Variants in ZPBP observed in about 807,000 individuals in gnomAD.
ZPBP encodes the protein zona pellucida binding protein.
Under a neutral mutation model 44.8 loss-of-function variants are expected in ZPBP, and 26 were observed. That is an observed-to-expected ratio of 0.58 (90% CI 0.43 to 0.81). ZPBP has a LOEUF of 0.81. Among genes scored for constraint, ZPBP ranks in the 30% least tolerant of loss-of-function variants. The pLI, the probability that ZPBP is intolerant of heterozygous loss-of-function variation, is 0.00. For synonymous variants in ZPBP, 174 were observed against 153.2 expected, an observed-to-expected ratio of 1.14 and a Z score of -1.00; for missense variants, 409 against 434.0, an observed-to-expected ratio of 0.94 and a Z score of 0.51.
intron 7 of ZPBP, among the ~76,000 whole-genome samples, chr7:49,939,018 G>GA (rs1794739877): frequency 6.6e-6 from 1 of 152,052 alleles, no homozygotes; most frequent in South Asian, 2.1e-4. Context: ...GTTTCAGATG[G>GA]AAAAAAGTTT....
intron 1 of ZPBP, chr7:49,915,022 T>C (rs1793641529): frequency 6.6e-6 from 1 of 152,212 alleles, no homozygotes; most frequent in Non-Finnish European, 1.5e-5. Flanking sequence ...CATATTTAGA[T>C]CTGAAAGTAT....
At chr7:49,960,360 G>A (rs1003677284) in intron 7 of ZPBP, among the ~76,000 whole-genome samples, 1 of 151,940 alleles carries the variant, frequency 6.6e-6, no homozygotes, top group Non-Finnish European at 1.5e-5. Flanking sequence ...GAAAGAGGTT[G>A]CAATGAGCTC....
chr7:49,883,687 T>C (rs544121548), intron 2 of ZPBP, among the ~76,000 whole-genome samples: 2 of 152,296 alleles, frequency 1.3e-5, no homozygotes, highest in South Asian at 4.1e-4. Flanking sequence ...CACCTTCCGA[T>C]AGCTGCACTT....
chr7:50,053,024 T>C (rs1239106696), intron 4 of ZPBP, among the ~76,000 whole-genome samples: 1 of 152,154 alleles, frequency 6.6e-6, no homozygotes, highest in Non-Finnish European at 1.5e-5. Flanking sequence ...TCTATGGTTG[T>C]AGATACCTGA....
chr7:49,996,891 T>G (rs1584008229), intron 6 of ZPBP, among the ~76,000 whole-genome samples: 1 of 152,330 alleles, frequency 6.6e-6, no homozygotes, highest in Non-Finnish European at 1.5e-5. Flanking sequence ...TATGCCCACC[T>G]TGCCTTTGGT....
chr7:49,927,069 C>G (rs947219185), intron 1 of ZPBP, among the ~76,000 whole-genome samples: 7 of 152,176 alleles, frequency 4.6e-5, no homozygotes, highest in Non-Finnish European at 8.8e-5. Flanking sequence ...GCTGCCATAC[C>G]TTCATTCTGT....
chr7:49,953,641 C>T (rs1795447113), intron 7 of ZPBP, among the ~76,000 whole-genome samples: 1 of 151,942 alleles, frequency 6.6e-6, no homozygotes, highest in South Asian at 2.1e-4. Context: ...TCAAAATATC[C>T]AGCACCAAAT....
intron 4 of ZPBP, among the ~76,000 whole-genome samples, chr7:50,044,518 C>A (rs550686117): frequency 1.3e-4 from 20 of 152,138 alleles, no homozygotes; most frequent in Admixed American, 3.9e-4. Flanking sequence ...TACAAACTAC[C>A]ATCAGAAAAT....
downstream of ZPBP, among the ~76,000 whole-genome samples, chr7:49,934,460 C>T (rs927322216): frequency 2.9e-4 from 42 of 146,506 alleles, no homozygotes; most frequent in South Asian, 8.7e-3. Flanking sequence ...AAAAAAAAAA[C>T]TCACACATGA....
chr7:49,854,668 G>C (rs1288595539), intron 2 of ZPBP, among the ~76,000 whole-genome samples: 1 of 152,282 alleles, frequency 6.6e-6, no homozygotes, highest in East Asian at 1.9e-4. Context: ...TAGGTTGCCT[G>C]TTCACTCTGA....
downstream of ZPBP, among the ~76,000 whole-genome samples, chr7:49,933,188 A>G (rs952849699): frequency 5.3e-5 from 8 of 152,188 alleles, no homozygotes; most frequent in African/African-American, 1.9e-4. Flanking sequence ...TACTCACTAC[A>G]TATGGTACCT....
In ZPBP at chr7:49,995,782, T is replaced by C. The variant is rs188593902; in HGVS notation, c.784-12263A>G. On this transcript the variant is annotated intron_variant, in intron 6 of 7. Transcript: ENST00000046087. ...AAACAAGCCAGTCACAGAAGACAAA[T>C]ATCATATGTTCTCATTCGTATGTGG... is the stretch of plus-strand genomic sequence containing the variant. Among the ~76,000 whole-genome samples, 7 of 152,242 alleles carry C rather than the reference T, an allele frequency of 4.6e-5. No homozygotes were observed. In the East Asian group the frequency reaches 1.4e-3, roughly 29 times the overall value.
At chr7:49,929,865 C>T (rs1427609164) in intron 1 of ZPBP, among the ~76,000 whole-genome samples, 2 of 152,110 alleles carry the variant, frequency 1.3e-5, no homozygotes, top group African/African-American at 4.8e-5. Flanking sequence ...TATCAACGCA[C>T]ACAAGTTAAA....
chr7:50,033,995 G>C (rs1466230027), intron 4 of ZPBP, among the ~76,000 whole-genome samples: 1 of 151,954 alleles, frequency 6.6e-6, no homozygotes, highest in African/African-American at 2.4e-5. Context: ...GCCCGGCCTT[G>C]CTACAGTTTA....
chr7:49,916,427 C>CA (rs1162313527), intron 1 of ZPBP: 6 of 152,208 alleles, frequency 3.9e-5, no homozygotes, highest in Non-Finnish European at 8.8e-5. Context: ...ATGTCCAGTT[C>CA]AAGTGCCATT....
downstream of ZPBP, among the ~76,000 whole-genome samples, chr7:49,935,561 G>C (rs1250080187): frequency 6.6e-6 from 1 of 152,032 alleles, no homozygotes; most frequent in Non-Finnish European, 1.5e-5. Context: ...ACCACGCCCG[G>C]CTAATTTTTG....
At chr7:49,937,052 C>T (rs1794643057), downstream of ZPBP, among the ~76,000 whole-genome samples, 1 of 151,864 alleles carries the variant, frequency 6.6e-6, no homozygotes, top group Non-Finnish European at 1.5e-5. Context: ...ATTAAAGAGG[C>T]TAAAAATTGC....
intron 6 of ZPBP, among the ~76,000 whole-genome samples, chr7:50,000,605 T>C (rs1052401151): frequency 6.6e-5 from 10 of 152,190 alleles, no homozygotes; most frequent in Non-Finnish European, 1.5e-4. Flanking sequence ...GCAAAACTTC[T>C]TTATACCCAT....
At chr7:49,860,939 T>G (rs1047509943) in intron 2 of ZPBP, among the ~76,000 whole-genome samples, 15 of 152,224 alleles carry the variant, frequency 9.9e-5, no homozygotes, top group Non-Finnish European at 1.5e-5. Context: ...CCTTGGACTT[T>G]CTGCCTTTAG....
Sources: gnomAD v4.1 joint callset for allele counts (sites outside exome capture counted in the v4.1 genomes callset) on GRCh38, gnomAD v4.1.1 for gene constraint, MANE v1.5 for transcripts, NCBI Gene and HGNC (gene_info 2026-07-23, HGNC 2026-07-21) for gene names.